RASL10A: variants seen among roughly 807,000 people sequenced by gnomAD.
The protein encoded by RASL10A is ras-like protein family member 10A.
RASL10A carries 13 observed loss-of-function variants against 17.3 expected under a neutral mutation model. The observed-to-expected ratio is 0.75, with a 90% CI of 0.49 to 1.20. The LOEUF (loss-of-function observed/expected upper bound fraction) is 1.20. Among genes scored for constraint, RASL10A ranks in the 50% most tolerant of loss-of-function variants. The pLI is 0.00. For missense variants in RASL10A, 307 were observed against 310.3 expected (o/e 0.99, Z 0.08); for synonymous variants, 159 against 142.2 (o/e 1.12, Z -0.84).
In RASL10A at chr22:29,314,152, T is replaced by C. The variant is rs532272533; in HGVS notation, c.220-165A>G. ...GGCCGTCTCCTCATGACCACCAGGG[T>C]AAAATTTTCCAAATCGTGCCTGGAG... On this transcript the variant is annotated intron_variant, in intron 1 of 2. Transcript: ENST00000216101. The C allele has an allele frequency of 3.4e-4, 324 of 943,948 alleles. 2 individuals are homozygous for C. In the African/African-American group the frequency reaches 4.4e-3, roughly 13 times the overall value. The allele number at this position is 943,948 out of a possible 1,614,324, so 58.5% of individuals were successfully genotyped here.
rs1316290608 is a variant in RASL10A at position 29,313,200 on chromosome 22, T to G, written c.*101A>C. 1 of 1,377,530 alleles carries G rather than the reference T, an allele frequency of 7.3e-7. No individual in the cohort carries two copies. The allele number at this position is 1,377,530 out of a possible 1,614,324, so 85.3% of individuals were successfully genotyped here. ...TCCTCATCCAATCAGGGCGGAGACT[T>G]CCCTGTCCAGTCCCAGTGAAGTTGG... On this transcript the variant is annotated 3_prime_UTR_variant, in exon 3 of 3. Coordinates refer to ENST00000216101, the MANE Select transcript of RASL10A (RefSeq NM_006477.5).
chr22:29,314,921 G>A lies in RASL10A; in HGVS notation c.219+107C>T, dbSNP rs1602662783. 9 of 918,498 alleles carry A rather than the reference G, an allele frequency of 9.8e-6. No individual in the cohort carries two copies. The East Asian group carries it at 2.3e-4, about 24-fold the overall frequency. 56.9% of individuals were successfully genotyped at this position (918,498 alleles called of 1,614,324 possible). ...GGACGCACACACATCCCTCCATCCC[G>A]GAGCACAGCCAGGCGCCCGAGGCCT... On this transcript the variant is annotated intron_variant, in intron 1 of 2. Transcript: ENST00000216101.
Position 29,315,340 on chromosome 22 carries a change from C to G in RASL10A, c.-94G>C. 1 of 789,432 alleles carries G rather than the reference C, an allele frequency of 1.3e-6. No homozygotes were observed. The highest frequency in any genetic ancestry group is 1.7e-6 in the Non-Finnish European group (1 of 597,030). The allele number at this position is 789,432 out of a possible 1,614,324, so 48.9% of individuals were successfully genotyped here. On this transcript the variant is annotated 5_prime_UTR_variant, in exon 1 of 3. Transcript: ENST00000216101. The surrounding 1 kb of genome is among the most constrained non-coding windows in gnomAD (Gnocchi z 5.5). ...GGCCGTGCGCCCCGCGCGCCCTGCCCGGTGCGCCACGGCCCCGTCGCGCTT... is the reference window on the plus strand; with the variant it reads ...GGCCGTGCGCCCCGCGCGCCCTGCCGGGTGCGCCACGGCCCCGTCGCGCTT...
chr22:29,315,490 G>A lies in RASL10A; in HGVS notation c.-244C>T, dbSNP rs960980036. 2 of 247,332 alleles carry A rather than the reference G, an allele frequency of 8.1e-6. No homozygotes were observed. Among genetic ancestry groups the A allele is most frequent in the Non-Finnish European group, 7.6e-6 (1 of 131,304 alleles). The allele number at this position is 247,332 out of a possible 1,614,324, so 15.3% of individuals were successfully genotyped here. The stretch of plus-strand genomic sequence containing the variant: ...GGGCGCGCGAGCGGCTCGGGCGGGT[G>A]CCGAAGCTCGAGAGAGAGCAGAGCC... On this transcript the variant is annotated 5_prime_UTR_variant, in exon 1 of 3. Transcript: ENST00000216101. The surrounding 1 kb of genome is among the most constrained non-coding windows in gnomAD (Gnocchi z 5.5).
In RASL10A at chr22:29,313,993, G is replaced by A. The variant is rs1363980824; in HGVS notation, c.220-6C>T. 2.5e-6 allele frequency: 4 copies of A among 1,612,868 alleles called. No individual in the cohort carries two copies. Among genetic ancestry groups the A allele is most frequent in the Non-Finnish European group, 3.4e-6 (4 of 1,180,006 alleles). ...TCCTTAGCGTCTGGCCACTCCTGGG[G>A]ACAGGAGGCCAGGGTTTGCGGAAGC... On this transcript the variant is annotated splice_polypyrimidine_tract_variant and splice_region_variant and intron_variant, in intron 1 of 2. Coordinates refer to ENST00000216101, the MANE Select transcript of RASL10A (RefSeq NM_006477.5).
chr22:29,313,266 A>G lies in RASL10A; in HGVS notation c.*35T>C. 1 of 1,452,378 alleles carries G rather than the reference A, an allele frequency of 6.9e-7. No individual in the cohort carries two copies. The highest frequency in any genetic ancestry group is 9.1e-7 in the Non-Finnish European group (1 of 1,099,026). 90.0% of individuals were successfully genotyped at this position (1,452,378 alleles called of 1,614,324 possible). A position where few individuals can be genotyped will look rare whatever the true frequency, so the allele number is the denominator to read the frequency against. On this transcript the variant is annotated 3_prime_UTR_variant, in exon 3 of 3. Transcript: ENST00000216101. ...CCAGGTCCCTGATTGTCCCAGTCAC[A>G]AGGTGGGGCCCATGGATGGCACTGT...
At chr22:29,318,800 A>G (rs995422789), upstream of RASL10A, among the ~76,000 whole-genome samples, 1 of 152,210 alleles carries the variant, frequency 6.6e-6, no homozygotes, top group African/African-American at 2.4e-5. Context: ...CCAACTATGC[A>G]TGCATCTTCT....
chr22:29,313,678 C>G lies in RASL10A; in HGVS notation c.345-110G>C. The stretch of plus-strand genomic sequence containing the variant: ...CTTCCTACGGCCAGAGACACCGCCC[C>G]CCCCGCCGCCCCAACGAAACCCCAG... On this transcript the variant is annotated intron_variant, in intron 2 of 2. Transcript: ENST00000216101. 2.1e-6 allele frequency: 3 copies of G among 1,414,842 alleles called. No homozygotes were observed. In the South Asian group the frequency reaches 4.4e-5, roughly 21 times the overall value. The allele number at this position is 1,414,842 out of a possible 1,614,324, so 87.6% of individuals were successfully genotyped here.
At position 29,313,476 on chromosome 22, in the gene RASL10A, G is replaced by A; in HGVS notation, c.437C>T (p.Ala146Val). The A allele has an allele frequency of 3.9e-6, 6 of 1,550,092 alleles. No homozygotes were observed. Among genetic ancestry groups the A allele is most frequent in the Non-Finnish European group, 5.2e-6 (6 of 1,154,284 alleles). Residue 146 changes from alanine (A) to valine (V), a missense_variant, in exon 3 of 3, where the codon GCC (alanine) becomes GTC (valine). Ala to Val is a moderately conservative substitution (Grantham distance 64, BLOSUM62 0). Transcript: ENST00000216101. ...LRFGPRRALAALVRRGWRCGY... is the reference protein window; with the variant it reads ...LRFGPRRALAVLVRRGWRCGY... Reference sequence around the variant, plus strand: ...GCAGCGCCAGCCCCTGCGCACTAGGGCGGCCAGCGCGCGCCGCGGTCCGAA... The same window carrying A: ...GCAGCGCCAGCCCCTGCGCACTAGGACGGCCAGCGCGCGCCGCGGTCCGAA...
chr22:29,313,615 G>C lies in RASL10A; in HGVS notation c.345-47C>G, dbSNP rs1251772124. Reference sequence around the variant, plus strand: ...GAGACGCGGGGACCCCACGGCCGGAGAATTCCCCCAGTGGGTATACACACG... The same window carrying C: ...GAGACGCGGGGACCCCACGGCCGGACAATTCCCCCAGTGGGTATACACACG... On this transcript the variant is annotated intron_variant, in intron 2 of 2. Coordinates refer to ENST00000216101, the MANE Select transcript of RASL10A (RefSeq NM_006477.5). 9 of 1,487,818 alleles carry C rather than the reference G, an allele frequency of 6.0e-6. No homozygotes were observed. The African/African-American group carries it at 8.4e-5, about 14-fold the overall frequency. The allele number at this position is 1,487,818 out of a possible 1,614,324, so 92.2% of individuals were successfully genotyped here. A position where few individuals can be genotyped will look rare whatever the true frequency, so the allele number is the denominator to read the frequency against.
chr22:29,313,781 G>A, intron 2 of RASL10A, 82 bp downstream of exon 2: 1 of 1,569,554 alleles, frequency 6.4e-7, no homozygotes, highest in Non-Finnish European at 8.6e-7. Context: ...CACGACGTTG[G>A]GAGACCCTAC....
At position 29,313,491 on chromosome 22, in the gene RASL10A, C is replaced by G; in HGVS notation, c.422G>C (p.Arg141Pro). The G allele has an allele frequency of 6.4e-7, 1 of 1,560,218 alleles. No individual in the cohort carries two copies. Among genetic ancestry groups the G allele is most frequent in the Non-Finnish European group, 8.6e-7 (1 of 1,160,514 alleles). Residue 141 changes from arginine (R) to proline (P), a missense_variant, in exon 3 of 3, where the codon CGG becomes CCG. By Grantham distance (103) the Arg-to-Pro change is moderately radical. Transcript: ENST00000216101. ...GCGCACTAGGGCGGCCAGCGCGCGC[C>G]GCGGTCCGAAGCGCAGCCGCTGCCT... The part of the protein sequence containing the change: ...RDRQRLRFGP[R>P]RALAALVRRG...
chr22:29,318,742 C>G (rs2061464223), upstream of RASL10A, among the ~76,000 whole-genome samples: 1 of 152,166 alleles, frequency 6.6e-6, no homozygotes. Flanking sequence ...CCAGGGGCCT[C>G]CTGGGCACTC....
intron 1 of RASL10A, chr22:29,314,426 T>C (rs2061440727): frequency 5.7e-6 from 1 of 175,642 alleles, no homozygotes; most frequent in African/African-American, 2.4e-5. Flanking sequence ...TGGTATGTTT[T>C]TGCCACTTCC....
At chr22:29,314,104 G>A (rs1303498774) in intron 1 of RASL10A, 117 bp from the exon 2 acceptor site, 1 of 1,379,138 alleles carries the variant, frequency 7.3e-7, no homozygotes, top group African/African-American at 1.5e-5. Context: ...ACAGACCTCT[G>A]TGCCCCTCCC....
In RASL10A at chr22:29,313,656, C is replaced by A. The variant is rs2061434677; in HGVS notation, c.345-88G>T. 4 of 1,436,742 alleles carry A rather than the reference C, an allele frequency of 2.8e-6. No individual in the cohort carries two copies. The African/African-American group carries it at 4.3e-5, about 15-fold the overall frequency. The allele number at this position is 1,436,742 out of a possible 1,614,324, so 89.0% of individuals were successfully genotyped here. On this transcript the variant is annotated intron_variant, in intron 2 of 2. Coordinates refer to ENST00000216101, the MANE Select transcript of RASL10A (RefSeq NM_006477.5). ...TATACACACGCAGGCGCATTCCCTTCCTACGGCCAGAGACACCGCCCCCCC... is the reference window on the plus strand; with the variant it reads ...TATACACACGCAGGCGCATTCCCTTACTACGGCCAGAGACACCGCCCCCCC...
At chr22:29,313,674 G>A in intron 2 of RASL10A, 106 bp from the exon 3 acceptor site, 1 of 1,388,432 alleles carries the variant, frequency 7.2e-7, no homozygotes, top group Non-Finnish European at 9.5e-7. Flanking sequence ...CAGAGACACC[G>A]CCCCCCCCGC....
chr22:29,313,479 G>A lies in RASL10A; in HGVS notation c.434C>T (p.Ala145Val), dbSNP rs768046150. The change falls in exon 3 of 3, where the codon GCC becomes GTC. Residue 145 changes from alanine to valine, a missense_variant. Ala to Val is a moderately conservative substitution (Grantham distance 64). Transcript: ENST00000216101. ...GCGCCAGCCCCTGCGCACTAGGGCG[G>A]CCAGCGCGCGCCGCGGTCCGAAGCG... is the stretch of plus-strand genomic sequence containing the variant. Reference protein sequence around the residue: ...RLRFGPRRALAALVRRGWRCG... With the variant: ...RLRFGPRRALVALVRRGWRCG... The A allele has an allele frequency of 6.4e-7, 1 of 1,551,874 alleles. No homozygotes were observed. Among genetic ancestry groups the A allele is most frequent in the Non-Finnish European group, 8.7e-7 (1 of 1,155,524 alleles).
At chr22:29,313,758 C>G in intron 2 of RASL10A, 105 bp downstream of exon 2, 1 of 1,538,184 alleles carries the variant, frequency 6.5e-7, no homozygotes, top group African/African-American at 1.4e-5. Context: ...GGGCGAAGGC[C>G]TAAGACCCGG....
Sources: allele counts gnomAD v4.1 joint callset (sites outside exome capture counted in the v4.1 genomes callset), GRCh38; gene constraint gnomAD v4.1.1; non-coding constraint Gnocchi (gnomAD v3.1); transcripts MANE v1.5; gene names NCBI Gene and HGNC (gene_info 2026-07-23, HGNC 2026-07-21).